EFR3A: variants seen among roughly 807,000 people sequenced by gnomAD.
EFR3A encodes protein EFR3 homolog A.
In EFR3A, 76 loss-of-function variants were observed where a neutral mutation model predicts 104.4. The ratio of observed to expected loss-of-function variants is 0.73; its 90% CI spans 0.60 to 0.88. The LOEUF is 0.88. EFR3A is among the 40% of genes least tolerant of loss of function. EFR3A has a pLI of 0.00. For synonymous variants in EFR3A, 330 were observed against 330.0 expected (o/e 1.00, Z 0.00); for missense variants, 985 against 1,012.5 (o/e 0.97, Z 0.37).
intron 9 of EFR3A, 38 bp from the exon 10 acceptor site, chr8:131,970,438 A>G (rs370211033): frequency 2.0e-5 from 32 of 1,585,126 alleles, no homozygotes; most frequent in African/African-American, 1.9e-4. Context: ...ATGCAATACT[A>G]GAAACATGTA....
chr8:131,931,223 A>C (rs192370211), intron 1 of EFR3A, among the ~76,000 whole-genome samples: 49 of 152,244 alleles, frequency 3.2e-4, no homozygotes, highest in Non-Finnish European at 6.5e-4. Flanking sequence ...CCACCCTTAG[A>C]GAAGCATTGT....
chr8:131,985,983 T>C (rs1307668045), intron 16 of EFR3A, among the ~76,000 whole-genome samples: 2 of 152,204 alleles, frequency 1.3e-5, no homozygotes, highest in African/African-American at 4.8e-5. Flanking sequence ...ATTGTCACAG[T>C]TTTATCTGTT....
intron 1 of EFR3A, among the ~76,000 whole-genome samples, chr8:131,926,261 A>G (rs534976048): frequency 7.3e-4 from 111 of 152,304 alleles, no homozygotes; most frequent in African/African-American, 2.5e-3. Context: ...GTGACTTTAA[A>G]AAACCATTTT....
chr8:131,988,724 C>T (rs1206232886), intron 18 of EFR3A, among the ~76,000 whole-genome samples: 1 of 151,996 alleles, frequency 6.6e-6, no homozygotes, highest in Non-Finnish European at 1.5e-5. Context: ...CTCTTAAACC[C>T]AGGCACAAGC....
chr8:132,003,754 C>T (rs1324298744), intron 22 of EFR3A, among the ~76,000 whole-genome samples: 1 of 152,116 alleles, frequency 6.6e-6, no homozygotes, highest in Non-Finnish European at 1.5e-5. Flanking sequence ...ACATCATATT[C>T]ATTTGAGTTC....
chr8:132,004,049 G>A (rs965137758), intron 22 of EFR3A, among the ~76,000 whole-genome samples: 1 of 152,128 alleles, frequency 6.6e-6, no homozygotes, highest in Non-Finnish European at 1.5e-5. Flanking sequence ...TTAGAGACAG[G>A]TAAATGCTCT....
intron 1 of EFR3A, among the ~76,000 whole-genome samples, chr8:131,935,821 T>G (rs10956622): frequency 0.041 from 6,269 of 151,926 alleles, 317 homozygotes; most frequent in East Asian, 0.12. Context: ...TATCATTGAA[T>G]AGTATAGTCC....
chr8:131,933,853 A>G (rs1362657900), intron 1 of EFR3A, among the ~76,000 whole-genome samples: 1 of 152,028 alleles, frequency 6.6e-6, no homozygotes, highest in Non-Finnish European at 1.5e-5. Context: ...GAAGTGTACA[A>G]GAGTTTTGTC....
chr8:131,945,476 C>G (rs994332651), intron 3 of EFR3A, among the ~76,000 whole-genome samples: 13 of 151,798 alleles, frequency 8.6e-5, no homozygotes, highest in African/African-American at 3.1e-4. Context: ...TTTTATGATC[C>G]AAGTTTATTG....
At chr8:131,925,964 T>A (rs1356341068) in intron 1 of EFR3A, among the ~76,000 whole-genome samples, 4 of 152,170 alleles carry the variant, frequency 2.6e-5, no homozygotes, top group East Asian at 1.9e-4. Context: ...TGTTATTATT[T>A]TTTTTTGAGT....
chr8:131,937,183 A>C (rs1586566241), intron 1 of EFR3A, among the ~76,000 whole-genome samples: 1 of 152,158 alleles, frequency 6.6e-6, no homozygotes, highest in African/African-American at 2.4e-5. Context: ...ATATTTCACA[A>C]TATCACAGAT....
rs931936007 is a variant in EFR3A, at chr8:131,979,202, G to A, written c.1500-144G>A. The A allele has an allele frequency of 3.2e-5, 29 of 919,896 alleles. No individual in the cohort carries two copies. In the African/African-American group the frequency reaches 3.2e-4, roughly 10 times the overall value. 57.0% of individuals were successfully genotyped at this position (919,896 alleles called of 1,614,324 possible). ...AAGATAACAAATTTTTGGAGGGCAC[G>A]TATGTACTCTTCAGAAGCAATTCAG... On this transcript the variant is annotated intron_variant, in intron 13 of 22. Transcript: ENST00000254624.
chr8:131,918,612 A>G (rs553223242), intron 1 of EFR3A, among the ~76,000 whole-genome samples: 2 of 152,292 alleles, frequency 1.3e-5, no homozygotes, highest in Middle Eastern at 3.4e-3. Context: ...TTGTCTTTTC[A>G]GTTACTGTTT....
intron 1 of EFR3A, among the ~76,000 whole-genome samples, chr8:131,924,484 C>T (rs1171078259): frequency 6.6e-6 from 1 of 152,060 alleles, no homozygotes; most frequent in South Asian, 2.1e-4. Flanking sequence ...TGAGGAGAGA[C>T]AAGTATATAT....
rs1335456692 is a variant in EFR3A, at chr8:132,010,409, T to TAG, written c.2361-380_2361-379insGA. 8.9e-4 allele frequency among the ~76,000 whole-genome samples: 9 copies of TAG among 10,066 alleles called. No homozygotes were observed. In the South Asian group the frequency reaches 0.012, roughly 14 times the overall value. 6.6% of individuals were successfully genotyped at this position (10,066 alleles called of 152,430 possible). On this transcript the variant is annotated intron_variant, in intron 22 of 22. Transcript: ENST00000254624. ...TCTCTGGATTAAATCAAGTATGAGA[T>TAG]ATATATATATATATATATATATATA...
At chr8:131,973,134 A>C (rs1026529447) in intron 10 of EFR3A, among the ~76,000 whole-genome samples, 10 of 150,664 alleles carry the variant, frequency 6.6e-5, no homozygotes, top group African/African-American at 2.4e-4. Flanking sequence ...CACTAACACA[A>C]AGTAGGCACT....
intron 6 of EFR3A, 62 bp downstream of exon 6, chr8:131,954,029 C>A: frequency 7.3e-7 from 1 of 1,374,492 alleles, no homozygotes. Context: ...TGTGTGTTTC[C>A]TAGGATAAGA....
chr8:131,927,671 C>T (rs780104693), intron 1 of EFR3A, among the ~76,000 whole-genome samples: 2 of 151,956 alleles, frequency 1.3e-5, no homozygotes, highest in Non-Finnish European at 2.9e-5. Flanking sequence ...TTTTTAGGAA[C>T]CATAACGTGT....
chr8:131,958,059 AG>A (rs1819112394), intron 7 of EFR3A, among the ~76,000 whole-genome samples: 1 of 152,222 alleles, frequency 6.6e-6, no homozygotes, highest in Non-Finnish European at 1.5e-5. Flanking sequence ...CATTTGAGCC[AG>A]GGCCAGTATG....
Sources: allele counts gnomAD v4.1 joint callset (sites outside exome capture counted in the v4.1 genomes callset), GRCh38; gene constraint gnomAD v4.1.1; transcripts MANE v1.5; gene names NCBI Gene and HGNC (gene_info 2026-07-23, HGNC 2026-07-21).